Variants in TRPM3 observed in about 807,000 individuals in gnomAD.
TRPM3 encodes the protein transient receptor potential cation channel subfamily M member 3, also known as long transient receptor potential channel 3.
TRPM3 carries 77 observed loss-of-function variants against 181.2 expected under a neutral mutation model. The ratio of observed to expected loss-of-function variants is 0.42; its 90% CI spans 0.35 to 0.51. The LOEUF is 0.51. Ranked by LOEUF, TRPM3 falls within the 20% of genes least tolerant of loss-of-function variation. The probability of loss-of-function intolerance (pLI) is 0.01; values close to 1 mark genes in which losing one functional copy is unlikely to be tolerated. For missense variants in TRPM3, 1,759 were observed against 2,196.7 expected, an observed-to-expected ratio of 0.80 and a Z score of 3.98; for synonymous variants, 745 against 796.4, an observed-to-expected ratio of 0.94 and a Z score of 1.09.
intron 7 of TRPM3, among the ~76,000 whole-genome samples, chr9:70,763,606 G>T (rs2078559736): frequency 6.6e-6 from 1 of 152,060 alleles, no homozygotes; most frequent in Non-Finnish European, 1.5e-5. Context: ...TCTTAGCTGT[G>T]GACCAGATTG....
At chr9:70,875,145 C>T (rs1180429665) in intron 1 of TRPM3, among the ~76,000 whole-genome samples, 1 of 151,738 alleles carries the variant, frequency 6.6e-6, no homozygotes, top group Non-Finnish European at 1.5e-5. Flanking sequence ...GACGCATGAC[C>T]GATTAGGAGT....
intron 1 of TRPM3, among the ~76,000 whole-genome samples, chr9:70,965,945 T>C (rs1391326886): frequency 2.0e-5 from 3 of 148,406 alleles, no homozygotes; most frequent in African/African-American, 7.5e-5. Flanking sequence ...ATCAACAGAG[T>C]AAACAGACGC....
At chr9:71,199,567 T>C (rs2078637791) in intron 1 of TRPM3, among the ~76,000 whole-genome samples, 1 of 152,214 alleles carries the variant, frequency 6.6e-6, no homozygotes, top group Non-Finnish European at 1.5e-5. Context: ...TATTGATCTA[T>C]TCAGAGATTC....
chr9:71,130,625 C>G (rs763265549), intron 1 of TRPM3, among the ~76,000 whole-genome samples: 1 of 152,116 alleles, frequency 6.6e-6, no homozygotes, highest in African/African-American at 2.4e-5. Context: ...TGATTTATAG[C>G]AGCTTCTAAA....
chr9:71,319,023 C>CTCATTTTGCTTTGCTTCTTTCACTTATG lies in TRPM3; in HGVS notation c.183+127629_183+127630insCATAAGTGAAAGAAGCAAAGCAAAATGA, dbSNP rs138286517. On this transcript the variant is annotated intron_variant, in intron 1 of 24. Coordinates refer to the TRPM3 transcript ENST00000357533. ...TATTATGTAAATTATATAGTATGTA[C>CTCATTTTGCTTTGCTTCTTTCACTTATG]AAAATTGTGAGATTCACCAATTTTG... is the stretch of plus-strand genomic sequence containing the variant. 2.6e-5 allele frequency among the ~76,000 whole-genome samples: 4 copies of CTCATTTTGCTTTGCTTCTTTCACTTATG among 151,594 alleles called. No individual in the cohort carries two copies. The East Asian group carries it at 7.7e-4, about 29-fold the overall frequency.
intron 1 of TRPM3, among the ~76,000 whole-genome samples, chr9:71,193,573 A>G (rs1386449253): frequency 1.3e-5 from 2 of 151,944 alleles, no homozygotes; most frequent in Admixed American, 1.3e-4. Flanking sequence ...CCAACCCTCA[A>G]CTTTCTATTA....
chr9:71,053,655 T>C (rs1381828603), intron 1 of TRPM3, among the ~76,000 whole-genome samples: 1 of 152,108 alleles, frequency 6.6e-6, no homozygotes, highest in African/African-American at 2.4e-5. Context: ...CTGTAAAATG[T>C]CTAAGGGTCT....
intron 4 of TRPM3, among the ~76,000 whole-genome samples, chr9:70,845,289 G>A (rs921821425): frequency 1.3e-5 from 2 of 152,052 alleles, no homozygotes; most frequent in African/African-American, 2.4e-5. Flanking sequence ...GCCCAGGCTG[G>A]AGTGTGGTGG....
At chr9:71,425,452 A>G (rs2093846910) in intron 1 of TRPM3, among the ~76,000 whole-genome samples, 1 of 152,128 alleles carries the variant, frequency 6.6e-6, no homozygotes, top group Admixed American at 6.6e-5. Context: ...CATAGGACCC[A>G]TTCTTGATTC....
chr9:70,784,310 AAAGAG>A, intron 6 of TRPM3, 31 bp from the exon 7 acceptor site: 4 of 1,545,846 alleles, frequency 2.6e-6, no homozygotes, highest in Non-Finnish European at 3.5e-6. Flanking sequence ...AAAAGGAAAA[AAAGAG>A]AAAAGAACAC....
chr9:71,315,199 T>C (rs1277570188), intron 1 of TRPM3, among the ~76,000 whole-genome samples: 1 of 152,118 alleles, frequency 6.6e-6, no homozygotes, highest in Non-Finnish European at 1.5e-5. Context: ...AAGACTGAAA[T>C]CAAAGGCATT....
chr9:71,261,697 C>T (rs1032000365), intron 1 of TRPM3, among the ~76,000 whole-genome samples: 2 of 152,154 alleles, frequency 1.3e-5, no homozygotes, highest in Non-Finnish European at 2.9e-5. Flanking sequence ...CATGGTCATC[C>T]TTTTTGTTCA....
intron 1 of TRPM3, among the ~76,000 whole-genome samples, chr9:71,216,952 T>C (rs2079913212): frequency 8.0e-6 from 1 of 125,346 alleles, no homozygotes; most frequent in Non-Finnish European, 1.7e-5. Flanking sequence ...TTTTTTTTTT[T>C]TTTTTTTTTT....
chr9:71,258,498 T>C (rs1462913606), intron 1 of TRPM3, among the ~76,000 whole-genome samples: 1 of 152,204 alleles, frequency 6.6e-6, no homozygotes, highest in Non-Finnish European at 1.5e-5. Context: ...TATCTCATAT[T>C]ATTTTCCTAC....
chr9:70,683,165 T>C (rs1171453298), intron 8 of TRPM3, among the ~76,000 whole-genome samples: 1 of 152,182 alleles, frequency 6.6e-6, no homozygotes, highest in African/African-American at 2.4e-5. Context: ...GGTCAGAGAC[T>C]GGGATGAGGG....
chr9:71,191,858 C>T (rs988475532), intron 1 of TRPM3, among the ~76,000 whole-genome samples: 5 of 150,930 alleles, frequency 3.3e-5, no homozygotes, highest in Non-Finnish European at 5.9e-5. Context: ...CACTGGTAGC[C>T]TCTGCTTCAG....
At chr9:70,593,530 G>T (rs7873981) in intron 21 of TRPM3, among the ~76,000 whole-genome samples, 14,816 of 152,140 alleles carry the variant, frequency 0.097, 1,521 homozygotes, top group African/African-American at 0.26. Flanking sequence ...TACAGAAACT[G>T]TTCTAATTTA....
chr9:71,038,039 A>G (rs1000231450), intron 1 of TRPM3, among the ~76,000 whole-genome samples: 2 of 152,332 alleles, frequency 1.3e-5, no homozygotes, highest in East Asian at 3.9e-4. Context: ...CTAAGTATTG[A>G]TTTTAATGAA....
intron 25 of TRPM3, among the ~76,000 whole-genome samples, chr9:70,548,264 C>T (rs568865822): frequency 1.3e-5 from 2 of 152,152 alleles, no homozygotes; most frequent in South Asian, 2.1e-4. Flanking sequence ...AATTGCTTTA[C>T]GTTATATCAT....
Sources: gnomAD v4.1 joint callset for allele counts (sites outside exome capture counted in the v4.1 genomes callset) on GRCh38, gnomAD v4.1.1 for gene constraint, MANE v1.5 for transcripts, NCBI Gene and HGNC (gene_info 2026-07-23, HGNC 2026-07-21) for gene names.